Variants in MLXIP observed in about 807,000 individuals in gnomAD.
MLXIP encodes the protein MLX-interacting protein.
Under a neutral mutation model 87.2 loss-of-function variants are expected in MLXIP, and 30 were observed. The observed-to-expected ratio is 0.34, with a 90% CI of 0.26 to 0.47. The LOEUF (loss-of-function observed/expected upper bound fraction) is 0.47. Ranked by LOEUF, MLXIP falls within the 20% of genes least tolerant of loss-of-function variation. MLXIP has a pLI of 1.00. For missense variants in MLXIP, 1,002 were observed against 1,240.1 expected (o/e 0.81, Z 2.88); for synonymous variants, 530 against 514.0 (o/e 1.03, Z -0.42).
At chr12:122,126,447 C>T (rs747303677) in intron 1 of MLXIP, among the ~76,000 whole-genome samples, 2 of 152,076 alleles carry the variant, frequency 1.3e-5, no homozygotes, top group East Asian at 1.9e-4. Flanking sequence ...GAGATGGTGT[C>T]GGGGGCAGCA....
intron 1 of MLXIP, among the ~76,000 whole-genome samples, chr12:122,122,113 G>A (rs1017149997): frequency 6.6e-5 from 10 of 152,148 alleles, no homozygotes; most frequent in African/African-American, 1.4e-4. Flanking sequence ...GGAGGATTGC[G>A]TGTCTTGGGG....
chr12:122,138,770 TGGCC>T, intron 14 of MLXIP, 41 bp from the exon 15 acceptor site: 1 of 1,603,328 alleles, frequency 6.2e-7, no homozygotes, highest in Non-Finnish European at 8.5e-7. Flanking sequence ...GGGTCCTTAT[TGGCC>T]ACTGGCTGCT....
At position 122,104,326 on chromosome 12, in the gene MLXIP, C is replaced by T. The variant is rs908055852; in HGVS notation, c.414-22930C>T. Among the ~76,000 whole-genome samples, 74 of 152,166 alleles carry T rather than the reference C, an allele frequency of 4.9e-4. 2 individuals are homozygous for T. The highest frequency in any genetic ancestry group is 1.6e-4 in the Non-Finnish European group (11 of 68,034). ...CAGGCATCCTCTCCTTCCCTATCTG[C>T]GCACTATCACTGTGAATCAGATTAG... On this transcript the variant is annotated intron_variant, in intron 1 of 16. Transcript: ENST00000319080.
intron 15 of MLXIP, among the ~76,000 whole-genome samples, chr12:122,139,949 C>T (rs1343423452): frequency 6.6e-6 from 1 of 152,200 alleles, no homozygotes; most frequent in East Asian, 1.9e-4. Flanking sequence ...GCTGGGATTA[C>T]AGGCGTGAGC....
At chr12:122,121,328 TA>T (rs1555231052) in intron 1 of MLXIP, among the ~76,000 whole-genome samples, 9 of 145,432 alleles carry the variant, frequency 6.2e-5, no homozygotes, top group African/African-American at 1.8e-4. Flanking sequence ...TTTTTTTTTT[TA>T]AATTGAGATG....
intron 9 of MLXIP, chr12:122,134,972 CCT>C: frequency 2.3e-6 from 1 of 427,034 alleles, no homozygotes; most frequent in African/African-American, 2.2e-5. Context: ...TTGCACCCAG[CCT>C]CTCTATCTTT....
intron 3 of MLXIP, 101 bp from the exon 4 acceptor site, chr12:122,129,036 T>A: frequency 1.1e-6 from 1 of 918,328 alleles, no homozygotes; most frequent in African/African-American, 1.6e-5. Flanking sequence ...CCCGCTGGAT[T>A]GCCTAAGGCC....
At position 122,130,934 on chromosome 12, in the gene MLXIP, G is replaced by A; in HGVS notation, c.1000+1G>A. The A allele has an allele frequency of 6.2e-7, 1 of 1,608,976 alleles. No homozygotes were observed. The highest frequency in any genetic ancestry group is 1.3e-5 in the African/African-American group (1 of 74,920). ...ATGGACACCTTTGAGCCTTTCCAGG[G>A]TGAGGACCAGAGGCAGAGAGAGCAC... On this transcript the variant is annotated splice_donor_variant, in intron 7 of 16. Transcript: ENST00000319080. LOFTEE classifies it high-confidence loss of function.
At chr12:122,122,851 T>A (rs1200709032) in intron 1 of MLXIP, among the ~76,000 whole-genome samples, 1 of 131,162 alleles carries the variant, frequency 7.6e-6, no homozygotes, top group Non-Finnish European at 1.7e-5. Context: ...CCGGCCTTCT[T>A]TTCTTTTTCT....
At chr12:122,125,370 C>T (rs1165338105) in intron 1 of MLXIP, among the ~76,000 whole-genome samples, 1 of 152,100 alleles carries the variant, frequency 6.6e-6, no homozygotes, top group East Asian at 1.9e-4. Flanking sequence ...AATAACTTAA[C>T]CCTAGATCAT....
In MLXIP at chr12:122,133,554, C is replaced by A; in HGVS notation, c.1299C>A (p.Thr433=). 1 of 1,607,152 alleles carries A rather than the reference C, an allele frequency of 6.2e-7. No individual in the cohort carries two copies. Among genetic ancestry groups the A allele is most frequent in the East Asian group, 2.3e-5 (1 of 44,398 alleles). Residue 433 remains threonine, a synonymous_variant, in exon 9 of 17, where the codon ACC becomes ACA. Coordinates refer to ENST00000319080, the MANE Select transcript of MLXIP (RefSeq NM_014938.6). The surrounding 1 kb of genome is among the most constrained non-coding windows in gnomAD (Gnocchi z 4.9). ...SVPQPFLPVF[T]MPLLSPSPAP... is the part of the protein sequence containing the mutation. ...CGCAGCCCTTCCTCCCTGTCTTCAC[C>A]ATGCCCCTGCTGTCTCCCAGCCCCG...
At chr12:122,085,271 A>T (rs750111398) in intron 1 of MLXIP, among the ~76,000 whole-genome samples, 2 of 152,152 alleles carry the variant, frequency 1.3e-5, no homozygotes, top group Non-Finnish European at 2.9e-5. Context: ...GGCTTACCAG[A>T]ATCCCTGCTG....
At position 122,078,871 on chromosome 12, in the gene MLXIP, C is replaced by T; in HGVS notation, c.18C>T (p.Phe6=). Residue 6 remains phenylalanine, a synonymous_variant, in exon 1 of 17, where the codon TTC becomes TTT. Transcript: ENST00000319080. MAADV[F]MCSPRRPRSR... ...CCCTTCTCATGGCCGCCGACGTCTT[C>T]ATGTGCTCCCCGCGCCGGCCTCGCA... The T allele has an allele frequency of 8.9e-7, 1 of 1,121,734 alleles. No homozygotes were observed. Among genetic ancestry groups the T allele is most frequent in the African/African-American group, 1.7e-5 (1 of 59,258 alleles). 69.5% of individuals were successfully genotyped at this position (1,121,734 alleles called of 1,614,324 possible).
chr12:122,103,349 T>G (rs2135929991), intron 1 of MLXIP, among the ~76,000 whole-genome samples: 1 of 151,682 alleles, frequency 6.6e-6, no homozygotes, highest in African/African-American at 2.4e-5. Context: ...TTCAATCTCC[T>G]AAGTAGCTGG....
intron 1 of MLXIP, among the ~76,000 whole-genome samples, chr12:122,081,361 G>T (rs940109413): frequency 6.6e-6 from 1 of 152,218 alleles, no homozygotes; most frequent in Admixed American, 6.5e-5. Context: ...GTCCAGTGCT[G>T]AGTTTAGTTG....
chr12:122,095,729 A>G (rs1952341043), intron 1 of MLXIP, among the ~76,000 whole-genome samples: 1 of 152,082 alleles, frequency 6.6e-6, no homozygotes, highest in South Asian at 2.1e-4. Flanking sequence ...AAATATAGGT[A>G]AAGCTAAAAG....
At chr12:122,134,209 T>TC (rs1337552489) in intron 9 of MLXIP, 1 of 629,758 alleles carries the variant, frequency 1.6e-6, no homozygotes, top group Non-Finnish European at 2.5e-6. Flanking sequence ...TGTTTGGTTT[T>TC]TTTTTTTTTG....
chr12:122,141,787 T>C lies in MLXIP; in HGVS notation c.2735T>C (p.Ile912Thr), dbSNP rs1438632218. 7 of 1,613,806 alleles carry C rather than the reference T, an allele frequency of 4.3e-6. No individual in the cohort carries two copies. Among genetic ancestry groups the C allele is most frequent in the Non-Finnish European group, 4.2e-6 (5 of 1,179,876 alleles). ...CAGGCGTCCAAGGCTGTCACCAGGA[T>C]TGGCAAGAGATTGGGAGAGTCCTAG... The part of the protein sequence containing the change: ...PEQASKAVTR[I>T]GKRLGES Residue 912 changes from isoleucine to threonine, a missense_variant, in exon 17 of 17, where the codon ATT becomes ACT. Physicochemically the swap from Ile to Thr is moderately conservative, Grantham distance 89. Transcript: ENST00000319080.
At chr12:122,088,900 A>C (rs1047963087) in intron 1 of MLXIP, among the ~76,000 whole-genome samples, 2 of 150,854 alleles carry the variant, frequency 1.3e-5, no homozygotes. Flanking sequence ...GGCTGGGTGC[A>C]GTGGCTCATG....
Sources: allele counts gnomAD v4.1 joint callset (sites outside exome capture counted in the v4.1 genomes callset), GRCh38; gene constraint gnomAD v4.1.1; non-coding constraint Gnocchi (gnomAD v3.1); transcripts MANE v1.5; gene names NCBI Gene and HGNC (gene_info 2026-07-23, HGNC 2026-07-21).